TOX: variants seen among roughly 807,000 people sequenced by gnomAD.
The protein encoded by TOX is thymocyte selection associated high mobility group box.
Under a neutral mutation model 53.7 loss-of-function variants are expected in TOX, and 11 were observed. That is an observed-to-expected ratio of 0.20 (90% CI 0.13 to 0.34). The LOEUF is 0.34. TOX is among the 10% of genes least tolerant of loss of function. The probability of loss-of-function intolerance (pLI) is 1.00; values close to 1 mark genes in which losing one functional copy is unlikely to be tolerated. For missense variants in TOX, 570 were observed against 664.6 expected, an observed-to-expected ratio of 0.86 and a Z score of 1.56; for synonymous variants, 225 against 245.3, an observed-to-expected ratio of 0.92 and a Z score of 0.77.
intron 3 of TOX, among the ~76,000 whole-genome samples, chr8:58,853,945 G>C (rs1199316588): frequency 1.3e-5 from 2 of 152,136 alleles, no homozygotes; most frequent in Non-Finnish European, 2.9e-5. Flanking sequence ...CAGGCCTACT[G>C]TCAAATGTCC....
At chr8:59,087,514 G>A (rs1027661374) in intron 1 of TOX, among the ~76,000 whole-genome samples, 1 of 152,092 alleles carries the variant, frequency 6.6e-6, no homozygotes, top group Non-Finnish European at 1.5e-5. Context: ...TAGGACTCCA[G>A]GTCTGTCCCC....
At chr8:59,092,968 G>A (rs1804651892) in intron 1 of TOX, among the ~76,000 whole-genome samples, 1 of 152,140 alleles carries the variant, frequency 6.6e-6, no homozygotes, top group Non-Finnish European at 1.5e-5. Context: ...AGTGGAAAGA[G>A]CATTGGACAG....
intron 1 of TOX, among the ~76,000 whole-genome samples, chr8:58,993,890 G>A: frequency 6.6e-6 from 1 of 152,054 alleles, no homozygotes; most frequent in Non-Finnish European, 1.5e-5. Flanking sequence ...TCAGAATACA[G>A]AGAAAAGCAT....
intron 1 of TOX, among the ~76,000 whole-genome samples, chr8:59,017,549 C>T (rs1304146143): frequency 1.3e-5 from 2 of 152,150 alleles, no homozygotes; most frequent in African/African-American, 4.8e-5. Context: ...AGATAATTTT[C>T]ATAGAGATAT....
At chr8:59,023,235 G>A (rs1369927099) in intron 1 of TOX, among the ~76,000 whole-genome samples, 1 of 138,556 alleles carries the variant, frequency 7.2e-6, no homozygotes, top group East Asian at 2.2e-4. Flanking sequence ...TATGAATCCA[G>A]TTTAGTACAC....
chr8:58,982,454 T>C (rs560947164), intron 1 of TOX, among the ~76,000 whole-genome samples: 1 of 152,316 alleles, frequency 6.6e-6, no homozygotes, highest in Admixed American at 6.5e-5. Flanking sequence ...TATCAGAATC[T>C]CAAGTTGATT....
intron 1 of TOX, among the ~76,000 whole-genome samples, chr8:59,021,831 T>C (rs990740122): frequency 2.0e-5 from 3 of 152,104 alleles, no homozygotes; most frequent in Non-Finnish European, 4.4e-5. Context: ...TTTTATTAAC[T>C]TTTCCTGAAA....
At chr8:59,013,011 G>C (rs1464175533) in intron 1 of TOX, among the ~76,000 whole-genome samples, 1 of 151,704 alleles carries the variant, frequency 6.6e-6, no homozygotes, top group Admixed American at 6.6e-5. Context: ...ATGATATACA[G>C]TCTTTTTAAT....
chr8:58,923,013 T>A (rs1812097705), intron 3 of TOX, among the ~76,000 whole-genome samples: 1 of 152,084 alleles, frequency 6.6e-6, no homozygotes, highest in South Asian at 2.1e-4. Context: ...CCAGTGTGAC[T>A]AGCTCGGTGA....
At chr8:59,017,955 G>A (rs1814046705) in intron 1 of TOX, among the ~76,000 whole-genome samples, 1 of 152,196 alleles carries the variant, frequency 6.6e-6, no homozygotes, top group Non-Finnish European at 1.5e-5. Flanking sequence ...GAGAAAGAGA[G>A]AGTGTACATT....
At chr8:59,049,319 A>C (rs1056732281) in intron 1 of TOX, among the ~76,000 whole-genome samples, 12 of 152,290 alleles carry the variant, frequency 7.9e-5, no homozygotes, top group African/African-American at 2.9e-4. Flanking sequence ...GTGGCTGATC[A>C]ATAAACTCTC....
In TOX at chr8:58,965,894, G is replaced by GTTTTTTTTTT. The variant is rs67045037; in HGVS notation, c.103-5896_103-5887dup. ...GCCCAGTATAAGATTACGAGTCATC[G>GTTTTTTTTTT]TTTTTTTTTTTTTTTTTTTTTTTTT... On this transcript the variant is annotated intron_variant, in intron 1 of 8. Transcript: ENST00000361421. 4.6e-4 allele frequency among the ~76,000 whole-genome samples: 23 copies of GTTTTTTTTTT among 49,628 alleles called. 5 individuals are homozygous for GTTTTTTTTTT. Among genetic ancestry groups the GTTTTTTTTTT allele is most frequent in the South Asian group, 8.4e-4 (1 of 1,184 alleles). 32.6% of individuals were successfully genotyped at this position (49,628 alleles called of 152,430 possible). A position where few individuals can be genotyped will look rare whatever the true frequency, so the allele number is the denominator to read the frequency against.
chr8:58,904,656 G>A (rs1207859664), intron 3 of TOX, among the ~76,000 whole-genome samples: 4 of 152,096 alleles, frequency 2.6e-5, no homozygotes, highest in Non-Finnish European at 4.4e-5. Context: ...TAGCAGCAGG[G>A]GCCTGACCAT....
intron 3 of TOX, among the ~76,000 whole-genome samples, chr8:58,932,875 C>T (rs74902560): frequency 0.083 from 12,576 of 152,062 alleles, 617 homozygotes; most frequent in South Asian, 0.19. Context: ...TGACTGAATG[C>T]TAAAAATGAC....
At chr8:58,858,196 A>G (rs779889169) in intron 3 of TOX, among the ~76,000 whole-genome samples, 1 of 152,188 alleles carries the variant, frequency 6.6e-6, no homozygotes, top group African/African-American at 2.4e-5. Context: ...TTGGAATAAC[A>G]TTAGTCATGT....
intron 1 of TOX, among the ~76,000 whole-genome samples, chr8:59,002,226 G>A (rs1813702570): frequency 6.8e-6 from 1 of 147,556 alleles, no homozygotes; most frequent in South Asian, 2.6e-4. Context: ...TGCCCACCTC[G>A]GCCTCCCAAA....
At chr8:58,870,302 C>T (rs1811176086) in intron 3 of TOX, among the ~76,000 whole-genome samples, 3 of 152,138 alleles carry the variant, frequency 2.0e-5, no homozygotes, top group South Asian at 4.1e-4. Context: ...CCATTTACAA[C>T]AGCACTCCAA....
intron 1 of TOX, among the ~76,000 whole-genome samples, chr8:59,021,108 CAAAAA>C (rs35493437): frequency 3.0e-4 from 28 of 92,016 alleles, no homozygotes; most frequent in African/African-American, 9.3e-4. Context: ...GACCCTGTCT[CAAAAA>C]AAAAAAAAAA....
At chr8:59,083,886 A>G (rs1351157947) in intron 1 of TOX, among the ~76,000 whole-genome samples, 1 of 152,200 alleles carries the variant, frequency 6.6e-6, no homozygotes, top group Non-Finnish European at 1.5e-5. Flanking sequence ...TCAGTGACAG[A>G]GTAGAAAAAC....
Sources: allele counts gnomAD v4.1 joint callset (sites outside exome capture counted in the v4.1 genomes callset), GRCh38; gene constraint gnomAD v4.1.1; transcripts MANE v1.5; gene names NCBI Gene and HGNC (gene_info 2026-07-23, HGNC 2026-07-21).